ARID1B: variants seen among roughly 807,000 people sequenced by gnomAD.
ARID1B encodes AT-rich interactive domain-containing protein 1B.
A neutral mutation model predicts 212.3 loss-of-function variants in ARID1B; 30 were observed. The ratio of observed to expected loss-of-function variants is 0.14; its 90% confidence interval spans 0.11 to 0.19. The LOEUF is 0.19. Among genes scored for constraint, ARID1B ranks in the 10% least tolerant of loss-of-function variants. The pLI is 1.00. For synonymous variants in ARID1B, 1,402 were observed against 1,301.7 expected, an observed-to-expected ratio of 1.08 and a Z score of -1.66; for missense variants, 2,891 against 3,204.0, an observed-to-expected ratio of 0.90 and a Z score of 2.36.
intron 4 of ARID1B, among the ~76,000 whole-genome samples, chr6:157,014,478 T>G (rs898733830): frequency 6.6e-6 from 1 of 152,218 alleles, no homozygotes; most frequent in Non-Finnish European, 1.5e-5. Flanking sequence ...AGGGGAGGTA[T>G]GCTATGAATT....
At chr6:156,890,137 A>G (rs1302063540) in intron 2 of ARID1B, among the ~76,000 whole-genome samples, 1 of 152,238 alleles carries the variant, frequency 6.6e-6, no homozygotes, top group Non-Finnish European at 1.5e-5. Flanking sequence ...AATTGAGGTC[A>G]TGAGAGGCAC....
chr6:156,899,535 C>T (rs557424722), intron 2 of ARID1B, among the ~76,000 whole-genome samples: 5 of 152,176 alleles, frequency 3.3e-5, no homozygotes, highest in African/African-American at 9.6e-5. Context: ...TTGAGGGCAC[C>T]CAGGTCTCGG....
intron 5 of ARID1B, among the ~76,000 whole-genome samples, chr6:157,100,318 C>G (rs12202484): frequency 0.1 from 15,461 of 152,206 alleles, 825 homozygotes; most frequent in Non-Finnish European, 0.11. Context: ...CACACACACC[C>G]CATGCTGAAC....
chr6:156,834,096 C>T (rs910458676), intron 2 of ARID1B, among the ~76,000 whole-genome samples: 1 of 152,072 alleles, frequency 6.6e-6, no homozygotes, highest in Admixed American at 6.6e-5. Context: ...ATTAAAGCCA[C>T]GTTTTGATAT....
chr6:157,184,124 A>T, intron 12 of ARID1B, 107 bp from the exon 13 acceptor site: 1 of 979,726 alleles, frequency 1.0e-6, no homozygotes, highest in Non-Finnish European at 1.5e-6. Context: ...TAGTTAAAAG[A>T]GGCAAATGAA....
intron 4 of ARID1B, among the ~76,000 whole-genome samples, chr6:156,963,478 C>T (rs1366985358): frequency 6.6e-6 from 1 of 152,122 alleles, no homozygotes; most frequent in Non-Finnish European, 1.5e-5. Context: ...TTGCGTAGGT[C>T]ATTTTAAATG....
chr6:156,822,354 A>C (rs1264272090), intron 1 of ARID1B, among the ~76,000 whole-genome samples: 2 of 152,234 alleles, frequency 1.3e-5, no homozygotes, highest in Non-Finnish European at 2.9e-5. Flanking sequence ...GCAGGGTTGC[A>C]TGTTATCCTC....
chr6:157,182,723 C>T (rs1376706409), intron 12 of ARID1B, among the ~76,000 whole-genome samples: 1 of 152,224 alleles, frequency 6.6e-6, no homozygotes, highest in Admixed American at 6.5e-5. Flanking sequence ...CATGACGCTG[C>T]ATAACCAGCT....
chr6:156,980,204 C>T (rs1342191645), intron 4 of ARID1B, among the ~76,000 whole-genome samples: 2 of 152,136 alleles, frequency 1.3e-5, no homozygotes, highest in African/African-American at 2.4e-5. Flanking sequence ...CATTGAAGGT[C>T]GGGCGTGATG....
chr6:156,879,012 T>C (rs1350859831), intron 2 of ARID1B, among the ~76,000 whole-genome samples: 3 of 152,198 alleles, frequency 2.0e-5, no homozygotes, highest in South Asian at 4.1e-4. Flanking sequence ...CTGATGTAGG[T>C]AGGACAGTTA....
intron 4 of ARID1B, among the ~76,000 whole-genome samples, chr6:157,058,467 A>AT (rs1461667265): frequency 4.6e-5 from 7 of 152,032 alleles, no homozygotes; most frequent in Non-Finnish European, 1.0e-4. Context: ...GTTTCACCAT[A>AT]TTGGCCAGAC....
intron 2 of ARID1B, among the ~76,000 whole-genome samples, chr6:156,839,444 T>C (rs927809937): frequency 3.3e-5 from 5 of 152,188 alleles, no homozygotes; most frequent in African/African-American, 9.7e-5. Context: ...AGTCAACATA[T>C]GAATTTGGAG....
chr6:157,032,270 T>G (rs1781063880), intron 4 of ARID1B, among the ~76,000 whole-genome samples: 1 of 152,264 alleles, frequency 6.6e-6, no homozygotes, highest in Non-Finnish European at 1.5e-5. Context: ...TGTTACAAAC[T>G]ATCTCTTAAA....
At chr6:157,191,135 C>T (rs1352514912) in intron 15 of ARID1B, among the ~76,000 whole-genome samples, 5 of 151,978 alleles carry the variant, frequency 3.3e-5, no homozygotes, top group Non-Finnish European at 7.4e-5. Context: ...AATGACTGGC[C>T]ATCTCTGGAG....
rs528280784 is a variant in ARID1B, at chr6:156,778,383, C to T, written c.703C>T (p.Pro235Ser). 6.5e-7 allele frequency: 1 copy of T among 1,534,788 alleles called. No homozygotes were observed. Among genetic ancestry groups the T allele is most frequent in the South Asian group, 1.2e-5 (1 of 83,822 alleles). ...GGGCGGCGGCGCGCCTCAGCCCGGC[C>T]CCGACATGGAGCAGCCGCAACATGG... ...GAGGGAPQPG[P>S]DMEQPQHGGA... is the part of the protein sequence containing the mutation. The change falls in exon 1 of 20, where the codon CCC (proline) becomes TCC (serine). Residue 235 changes from proline to serine, a missense_variant. By Grantham distance (74) the Pro-to-Ser change is moderately conservative. Transcript: ENST00000636930.
intron 1 of ARID1B, among the ~76,000 whole-genome samples, chr6:156,798,673 T>C (rs901987977): frequency 6.6e-6 from 1 of 152,262 alleles, no homozygotes; most frequent in Non-Finnish European, 1.5e-5. Flanking sequence ...TTTGATCTCT[T>C]TGGTAAACTG....
chr6:157,124,994 C>A (rs906122185), intron 6 of ARID1B, among the ~76,000 whole-genome samples: 1 of 152,118 alleles, frequency 6.6e-6, no homozygotes, highest in African/African-American at 2.4e-5. Flanking sequence ...TGTGCAGGGA[C>A]TTGCAGGTCT....
intron 4 of ARID1B, among the ~76,000 whole-genome samples, chr6:156,987,864 C>T (rs1415404337): frequency 2.6e-5 from 4 of 152,094 alleles, no homozygotes. Context: ...GACTTTATTC[C>T]TTTGAGTTGA....
intron 2 of ARID1B, among the ~76,000 whole-genome samples, chr6:156,884,527 G>A (rs1254321847): frequency 6.6e-6 from 1 of 152,180 alleles, no homozygotes; most frequent in Non-Finnish European, 1.5e-5. Context: ...CACCTGGAGG[G>A]CCTTCTGTAG....
Sources: gnomAD v4.1 joint callset for allele counts (sites outside exome capture counted in the v4.1 genomes callset) on GRCh38, gnomAD v4.1.1 for gene constraint, MANE v1.5 for transcripts, NCBI Gene and HGNC (gene_info 2026-07-23, HGNC 2026-07-21) for gene names.